Variants in SH3TC1 observed in about 807,000 individuals in gnomAD.
SH3TC1 encodes the protein SH3 domain and tetratricopeptide repeats 1.
In SH3TC1, 135 loss-of-function variants were observed where a neutral mutation model predicts 117.3. That is an observed-to-expected ratio of 1.15 (90% CI 1.00 to 1.33). SH3TC1 has a LOEUF of 1.33. SH3TC1 is among the 40% of genes most tolerant of loss of function. The pLI is 0.00. For synonymous variants in SH3TC1, 898 were observed against 816.9 expected, an observed-to-expected ratio of 1.10 and a Z score of -1.69; for missense variants, 2,092 against 1,794.3, an observed-to-expected ratio of 1.17 and a Z score of -3.00.
intron 9 of SH3TC1, among the ~76,000 whole-genome samples, chr4:8,222,025 C>T (rs1012724842): frequency 1.3e-5 from 2 of 152,110 alleles, no homozygotes; most frequent in African/African-American, 4.8e-5. Flanking sequence ...AAAATTGCCT[C>T]CTTTCTCCTC....
chr4:8,203,536 A>C (rs187405281), intron 1 of SH3TC1, among the ~76,000 whole-genome samples: 1 of 152,176 alleles, frequency 6.6e-6, no homozygotes, highest in East Asian at 1.9e-4. Context: ...ACTGGGCTCC[A>C]TCTGTGCTTG....
At chr4:8,223,321 T>TCTGCCCA (rs1720124933) in intron 10 of SH3TC1, among the ~76,000 whole-genome samples, 1 of 152,260 alleles carries the variant, frequency 6.6e-6, no homozygotes, top group Admixed American at 6.5e-5. Flanking sequence ...GGCCCAGCCC[T>TCTGCCCA]CTGCCCACTG....
intron 10 of SH3TC1, chr4:8,224,748 AGAGCTGC>A: frequency 5.6e-6 from 1 of 177,746 alleles, no homozygotes; most frequent in South Asian, 1.3e-4. Flanking sequence ...TGTCGGACTC[AGAGCTGC>A]TGCCTGTTCA....
rs1278910678 is a variant in SH3TC1 at position 8,231,994 on chromosome 4, A to G, written c.2969A>G (p.Gln990Arg). The G allele has an allele frequency of 6.2e-7, 1 of 1,611,968 alleles. No individual in the cohort carries two copies. Among genetic ancestry groups the G allele is most frequent in the Non-Finnish European group, 8.5e-7 (1 of 1,179,994 alleles). ...TGCCCAGGCCAGCTGCGGGCCGTCCAGCGGCTGTGCCACTTCTACAGCGCC... is the reference window on the plus strand; with the variant it reads ...TGCCCAGGCCAGCTGCGGGCCGTCCGGCGGCTGTGCCACTTCTACAGCGCC... ...GHVESQLRAVQRLCHFYSAVM... is the reference protein window; with the variant it reads ...GHVESQLRAVRRLCHFYSAVM... The change falls in exon 13 of 18, where the codon CAG becomes CGG. Residue 990 changes from glutamine to arginine, a missense_variant. Physicochemically the swap from Gln to Arg is conservative, Grantham distance 43. Transcript: ENST00000245105.
Position 8,222,948 on chromosome 4 carries a change from T to C in SH3TC1, c.1221T>C (p.Asp407=), listed in dbSNP as rs1561701562. 6.2e-7 allele frequency: 1 copy of C among 1,612,558 alleles called. No individual in the cohort carries two copies. The highest frequency in any genetic ancestry group is 8.5e-7 in the Non-Finnish European group (1 of 1,179,816). ...RQLLRRMSGT[D]VCSVYSLDSV... is the part of the protein sequence containing the mutation. ...TGCTGAGGCGGATGTCGGGCACCGA[T>C]GTCTGCAGCGTGTACAGCCTGGGTG... The change falls in exon 10 of 18, where the codon GAT becomes GAC. Residue 407 remains aspartate (D), a synonymous_variant. Transcript: ENST00000245105.
rs1422608402 is a variant in SH3TC1 at position 8,224,374 on chromosome 4, C to G, written c.1244-801C>G. On this transcript the variant is annotated intron_variant, in intron 10 of 17. Coordinates refer to ENST00000245105, the MANE Select transcript of SH3TC1 (RefSeq NM_018986.5). ...CCTCAGCATATCAAGGCTCAGACCC[C>G]CTGGATGGTATCTCCTGTCCTTTTT... Among the ~76,000 whole-genome samples, 3 of 152,224 alleles carry G rather than the reference C, an allele frequency of 2.0e-5. No homozygotes were observed. The East Asian group carries it at 5.8e-4, about 29-fold the overall frequency.
Position 8,216,173 on chromosome 4 carries a change from AGT to A in SH3TC1, c.546_547del (p.Ser182ArgfsTer13). The stretch of plus-strand genomic sequence containing the variant: ...CCAGGCCTTCTGGCTGCTCTTGCCC[AGT>A]GAGGAGGAGGAGACGGCCATCCAAG... ...MDQAFWLLLP[S>X]EEEETAIQVH... On this transcript the variant is annotated frameshift_variant, in exon 6 of 18. Coordinates refer to ENST00000245105, the MANE Select transcript of SH3TC1 (RefSeq NM_018986.5). LOFTEE classifies it high-confidence loss of function. 6.2e-7 allele frequency: 1 copy of A among 1,613,814 alleles called. No individual in the cohort carries two copies. The highest frequency in any genetic ancestry group is 8.5e-7 in the Non-Finnish European group (1 of 1,180,020).
chr4:8,228,114 C>A lies in SH3TC1; in HGVS notation c.2420C>A (p.Thr807Asn). The A allele has an allele frequency of 6.2e-7, 1 of 1,611,898 alleles. No homozygotes were observed. Among genetic ancestry groups the A allele is most frequent in the Non-Finnish European group, 8.5e-7 (1 of 1,179,294 alleles). Residue 807 changes from threonine to asparagine, a missense_variant, in exon 12 of 18, where the codon ACC (threonine) becomes AAC (asparagine). Transcript: ENST00000245105. ...SHHGCHGPAI[T>N]FMTQAVEASA... ...CATGGCTGCCACGGCCCGGCCATCA[C>A]CTTCATGACGCAGGCAGTGGAAGCC...
rs1458469687 is a variant in SH3TC1 at position 8,206,619 on chromosome 4, G to A, written c.172+1253G>A. On this transcript the variant is annotated intron_variant, in intron 2 of 17. Coordinates refer to ENST00000245105, the MANE Select transcript of SH3TC1 (RefSeq NM_018986.5). This position sits in a 1 kb window ranked among gnomAD's most constrained non-coding sequence, Gnocchi z 5.5. ...TCCCTGGAGTGAATCTCTGTGGACC[G>A]AGCGGAGGGGAGCTGAGGAAACTTT... is the stretch of plus-strand genomic sequence containing the variant. Among the ~76,000 whole-genome samples the A allele has an allele frequency of 2.0e-5, 3 of 152,280 alleles. No homozygotes were observed. Among genetic ancestry groups the A allele is most frequent in the South Asian group, 2.1e-4 (1 of 4,824 alleles).
chr4:8,217,359 C>A (rs1578690177), intron 7 of SH3TC1, among the ~76,000 whole-genome samples, 192 bp downstream of exon 7: 1 of 152,246 alleles, frequency 6.6e-6, no homozygotes, highest in East Asian at 1.9e-4. Flanking sequence ...CTCTGGCCTG[C>A]CAGCTGCATG....
Position 8,230,005 on chromosome 4 carries a change from C to T in SH3TC1, c.2950+1361C>T, listed in dbSNP as rs28431809. 3.0e-3 allele frequency among the ~76,000 whole-genome samples: 428 copies of T among 141,918 alleles called. 7 individuals carry two copies. Among genetic ancestry groups the T allele is most frequent in the African/African-American group, 0.01 (410 of 39,836 alleles). 93.1% of individuals were successfully genotyped at this position (141,918 alleles called of 152,430 possible). ...GTCTCCCCACCCCGCGTTGAACAGT[C>T]GAGGAGACCGGGGGCCAGGGGACGA... On this transcript the variant is annotated intron_variant, in intron 12 of 17. Transcript: ENST00000245105.
At chr4:8,196,972 C>T (rs574346590), upstream of SH3TC1, among the ~76,000 whole-genome samples, 4 of 152,298 alleles carry the variant, frequency 2.6e-5, no homozygotes, top group East Asian at 7.7e-4. This position sits in a 1 kb window ranked among gnomAD's most constrained non-coding sequence, Gnocchi z 4.6. Flanking sequence ...ACCGAGCTGA[C>T]ACCAAAAGGT....
At chr4:8,238,298 G>T (rs1722002671) in intron 17 of SH3TC1, among the ~76,000 whole-genome samples, 1 of 152,234 alleles carries the variant, frequency 6.6e-6, no homozygotes, top group Non-Finnish European at 1.5e-5. Flanking sequence ...CCAGGCTGAG[G>T]CCTTGCTGGT....
rs900407086 is a variant in SH3TC1 at position 8,190,572 on chromosome 4, T to C, written c.-57+8362T>C. Among the ~76,000 whole-genome samples, 2 of 152,018 alleles carry C rather than the reference T, an allele frequency of 1.3e-5. No homozygotes were observed. Among genetic ancestry groups the C allele is most frequent in the Non-Finnish European group, 2.9e-5 (2 of 67,990 alleles). ...ATCTGGGACCTTCTCCTCTGTGCACTCTCTCGGTCACCCACACCCCACCAG... is the reference window on the plus strand; with the variant it reads ...ATCTGGGACCTTCTCCTCTGTGCACCCTCTCGGTCACCCACACCCCACCAG... On this transcript the variant is annotated intron_variant, in intron 1 of 16. Transcript: ENST00000508641. This position sits in a 1 kb window ranked among gnomAD's most constrained non-coding sequence, Gnocchi z 4.7.
At chr4:8,191,914 G>A (rs1392717237) in intron 1 of SH3TC1, among the ~76,000 whole-genome samples, 5 of 152,100 alleles carry the variant, frequency 3.3e-5, no homozygotes, top group Admixed American at 2.0e-4. Context: ...GCTGGGGTCC[G>A]GCCGGGCTGT....
chr4:8,223,120 G>A (rs1720106986), intron 10 of SH3TC1, 150 bp downstream of exon 10: 1 of 1,160,026 alleles, frequency 8.6e-7, no homozygotes, highest in African/African-American at 1.5e-5. Context: ...GGGCACATAG[G>A]GGCTGCAGAC....
chr4:8,226,893 A>T, intron 11 of SH3TC1, 87 bp from the exon 12 acceptor site: 1 of 961,130 alleles, frequency 1.0e-6, no homozygotes, highest in Non-Finnish European at 1.5e-6. Flanking sequence ...GGGGACACAG[A>T]GGCTGGGGAT....
intron 9 of SH3TC1, among the ~76,000 whole-genome samples, chr4:8,219,952 G>A (rs1241182141): frequency 6.6e-6 from 1 of 152,198 alleles, no homozygotes; most frequent in Non-Finnish European, 1.5e-5. Context: ...CCTGGTGGCC[G>A]TGGGCGTTCC....
chr4:8,223,802 T>G (rs1405046903), intron 10 of SH3TC1, among the ~76,000 whole-genome samples: 1 of 151,944 alleles, frequency 6.6e-6, no homozygotes, highest in Admixed American at 6.6e-5. Flanking sequence ...CCTGGATTAG[T>G]TTTGCATTTT....
Sources: allele counts gnomAD v4.1 joint callset (sites outside exome capture counted in the v4.1 genomes callset), GRCh38; gene constraint gnomAD v4.1.1; non-coding constraint Gnocchi (gnomAD v3.1); transcripts MANE v1.5; gene names NCBI Gene and HGNC (gene_info 2026-07-23, HGNC 2026-07-21).